Variants in AK8 observed in about 807,000 individuals in gnomAD.
AK8 encodes the protein ATP-AMP transphosphorylase 8.
A neutral mutation model predicts 54.6 loss-of-function variants in AK8; 44 were observed. The observed-to-expected ratio is 0.81, with a 90% CI of 0.63 to 1.04. AK8 has a LOEUF of 1.04. Among genes scored for constraint, AK8 ranks in the 50% least tolerant of loss-of-function variants. The pLI is 0.00. For synonymous variants in AK8, 239 were observed against 245.6 expected (o/e 0.97, Z 0.25); for missense variants, 555 against 613.6 (o/e 0.90, Z 1.01).
chr9:132,760,299 CA>C (rs1838394576), intron 11 of AK8, among the ~76,000 whole-genome samples: 1 of 152,078 alleles, frequency 6.6e-6, no homozygotes, highest in Non-Finnish European at 1.5e-5. Context: ...CCTCCCACCT[CA>C]GTCTCCCAGT....
chr9:132,819,524 T>C (rs901626160), intron 9 of AK8, among the ~76,000 whole-genome samples: 2 of 152,148 alleles, frequency 1.3e-5, no homozygotes, highest in Admixed American at 6.5e-5. Flanking sequence ...TTTTTAAATG[T>C]TGGGCTGGAT....
At chr9:132,865,530 A>G (rs1261406810) in intron 3 of AK8, among the ~76,000 whole-genome samples, 1 of 152,238 alleles carries the variant, frequency 6.6e-6, no homozygotes. Context: ...GCACTTAAAA[A>G]TGGACCTTAG....
chr9:132,835,014 C>T lies in AK8; in HGVS notation c.403-6288G>A, dbSNP rs372499666. 2.2e-4 allele frequency among the ~76,000 whole-genome samples: 33 copies of T among 152,126 alleles called. No individual in the cohort carries two copies. The East Asian group carries it at 3.1e-3, about 14-fold the overall frequency. ...CCTCCCAAGTAGCTGGGACTACAGG[C>T]GCATGCCACTACGCCCAGCTAATGT... is the stretch of plus-strand genomic sequence containing the variant. On this transcript the variant is annotated intron_variant, in intron 5 of 12. Transcript: ENST00000298545.
chr9:132,868,039 C>T (rs1484640482), intron 2 of AK8, among the ~76,000 whole-genome samples: 1 of 152,212 alleles, frequency 6.6e-6, no homozygotes, highest in African/African-American at 2.4e-5. Context: ...GGCCAGCTGT[C>T]CCTCTCCTTG....
intron 9 of AK8, among the ~76,000 whole-genome samples, chr9:132,819,666 T>C (rs1016915083): frequency 3.3e-5 from 5 of 152,158 alleles, no homozygotes; most frequent in African/African-American, 9.7e-5. Context: ...ATTTCAAACA[T>C]CTTATCCTAA....
chr9:132,815,034 C>T (rs1841260782), intron 9 of AK8, among the ~76,000 whole-genome samples: 1 of 152,252 alleles, frequency 6.6e-6, no homozygotes, highest in Non-Finnish European at 1.5e-5. Flanking sequence ...CAGGGCCTCG[C>T]TGCACCTGGA....
At chr9:132,849,612 A>G (rs1842889309) in intron 5 of AK8, among the ~76,000 whole-genome samples, 1 of 152,182 alleles carries the variant, frequency 6.6e-6, no homozygotes. Context: ...CACTGTTCAG[A>G]GCCAGTGTTG....
chr9:132,798,263 TCCTGTCCCAG>T (rs1204255880), intron 10 of AK8, among the ~76,000 whole-genome samples: 1 of 152,138 alleles, frequency 6.6e-6, no homozygotes, highest in Non-Finnish European at 1.5e-5. Context: ...CACCCATGTC[TCCTGTCCCAG>T]CCTCTCTGAG....
chr9:132,812,552 G>GCCGCCGCGCCCACTGGGATGACGGGTGAT, intron 10 of AK8, among the ~76,000 whole-genome samples: 1 of 152,264 alleles, frequency 6.6e-6, no homozygotes, highest in Non-Finnish European at 1.5e-5. Flanking sequence ...TGACGGGTGA[G>GCCGCCGCGCCCACTGGGATGACGGGTGAT]CCGCCGCGCC....
intron 4 of AK8, among the ~76,000 whole-genome samples, chr9:132,857,333 C>T (rs2131392566): frequency 6.6e-6 from 1 of 152,310 alleles, no homozygotes; most frequent in Non-Finnish European, 1.5e-5. Context: ...CAGGGCATCA[C>T]ACCTGGAGAA....
intron 11 of AK8, among the ~76,000 whole-genome samples, chr9:132,746,437 C>A (rs1040735089): frequency 4.6e-5 from 7 of 152,218 alleles, no homozygotes; most frequent in Non-Finnish European, 7.3e-5. Context: ...AAGGGCAGCC[C>A]CAGGTTCCCC....
chr9:132,762,256 C>A (rs2131057100), intron 11 of AK8, among the ~76,000 whole-genome samples: 1 of 152,138 alleles, frequency 6.6e-6, no homozygotes, highest in East Asian at 1.9e-4. Context: ...TCTACCCAAG[C>A]TCTGTTAACT....
intron 11 of AK8, among the ~76,000 whole-genome samples, chr9:132,782,168 G>A (rs1238095973): frequency 6.6e-6 from 1 of 152,098 alleles, no homozygotes; most frequent in Middle Eastern, 3.4e-3. Context: ...AAATCAAATC[G>A]GTTCTTGAAT....
chr9:132,793,004 T>C (rs1404645377), intron 10 of AK8, among the ~76,000 whole-genome samples: 1 of 152,212 alleles, frequency 6.6e-6, no homozygotes, highest in East Asian at 1.9e-4. Flanking sequence ...GACCTCGGTC[T>C]TTCCCTTTCC....
intron 2 of AK8, among the ~76,000 whole-genome samples, chr9:132,867,759 C>T (rs186481094): frequency 5.9e-5 from 9 of 152,358 alleles, no homozygotes; most frequent in Non-Finnish European, 1.3e-4. Context: ...CAAGGCCTCC[C>T]AGGGCCCTCC....
intron 5 of AK8, among the ~76,000 whole-genome samples, chr9:132,844,488 A>G (rs1842672439): frequency 6.6e-6 from 1 of 152,086 alleles, no homozygotes; most frequent in Admixed American, 6.6e-5. Context: ...GAATATGCAT[A>G]TGTGTCATTT....
At chr9:132,780,141 G>GTGCCGTGA (rs1839396900) in intron 11 of AK8, among the ~76,000 whole-genome samples, 16 of 152,286 alleles carry the variant, frequency 1.1e-4, no homozygotes, top group Admixed American at 7.8e-4. Flanking sequence ...AGTGGGAGGG[G>GTGCCGTGA]CTGTTTCACG....
At chr9:132,752,851 G>C (rs1474555104) in intron 11 of AK8, among the ~76,000 whole-genome samples, 1 of 151,940 alleles carries the variant, frequency 6.6e-6, no homozygotes, top group Non-Finnish European at 1.5e-5. Context: ...AAACCAGTCA[G>C]CTTGCCCCTA....
chr9:132,795,358 C>G (rs1032915370), intron 10 of AK8, among the ~76,000 whole-genome samples: 4 of 152,150 alleles, frequency 2.6e-5, no homozygotes, highest in Non-Finnish European at 5.9e-5. Context: ...GTGCACTTGG[C>G]TCTTTCCACA....
Sources: gnomAD v4.1 joint callset for allele counts (sites outside exome capture counted in the v4.1 genomes callset) on GRCh38, gnomAD v4.1.1 for gene constraint, MANE v1.5 for transcripts, NCBI Gene and HGNC (gene_info 2026-07-23, HGNC 2026-07-21) for gene names.